Variants in CPA4 observed in about 807,000 individuals in gnomAD.
CPA4 encodes carboxypeptidase A3.
Under a neutral mutation model 54.7 loss-of-function variants are expected in CPA4, and 49 were observed. That is an observed-to-expected ratio of 0.90 (90% CI 0.71 to 1.14). CPA4 has a LOEUF of 1.14. Among genes scored for constraint, CPA4 ranks in the 50% most tolerant of loss-of-function variants. CPA4 has a pLI of 0.00. For missense variants in CPA4, 487 were observed against 525.1 expected (o/e 0.93, Z 0.71); for synonymous variants, 215 against 206.8 (o/e 1.04, Z -0.34).
chr7:130,306,373 A>G (rs183281670), intron 6 of CPA4: 1 of 220,034 alleles, frequency 4.5e-6, no homozygotes. Context: ...ACAGAGCAAG[A>G]CTCTGTCTTA....
chr7:130,312,160 C>G, intron 10 of CPA4, 38 bp downstream of exon 10: 1 of 1,464,326 alleles, frequency 6.8e-7, no homozygotes. Flanking sequence ...TTAGAAAGCA[C>G]TTTGAGAGGA....
chr7:130,317,864 C>T (rs997733978), intron 10 of CPA4, among the ~76,000 whole-genome samples: 10 of 152,176 alleles, frequency 6.6e-5, no homozygotes, highest in East Asian at 1.9e-4. Flanking sequence ...TTCAATTCTC[C>T]GCCCACTCTC....
intron 2 of CPA4, 88 bp downstream of exon 2, chr7:130,298,915 T>A: frequency 6.2e-6 from 5 of 808,940 alleles, no homozygotes; most frequent in Non-Finnish European, 1.0e-5. Flanking sequence ...TTTTTATTTC[T>A]GAGGAGTCTC....
intron 10 of CPA4, among the ~76,000 whole-genome samples, chr7:130,316,956 G>T (rs1299659566): frequency 6.6e-6 from 1 of 151,936 alleles, no homozygotes. Context: ...GTGGGATTTG[G>T]GGGGTAGCAT....
intron 1 of CPA4, among the ~76,000 whole-genome samples, chr7:130,293,997 T>C (rs1377692507): frequency 6.6e-6 from 1 of 152,178 alleles, no homozygotes; most frequent in Non-Finnish European, 1.5e-5. Context: ...AGGGATACCA[T>C]GGTGCCCTGT....
intron 1 of CPA4, among the ~76,000 whole-genome samples, chr7:130,298,101 A>C (rs1212126636): frequency 1.3e-5 from 2 of 152,126 alleles, no homozygotes; most frequent in African/African-American, 4.8e-5. Flanking sequence ...GTTTCCACCC[A>C]AACGAGCCTC....
At chr7:130,303,810 T>C (rs1209371831) in intron 4 of CPA4, among the ~76,000 whole-genome samples, 2 of 145,104 alleles carry the variant, frequency 1.4e-5, no homozygotes, top group Non-Finnish European at 3.0e-5. Flanking sequence ...TTTTTTTTTG[T>C]TTCATTATTT....
intron 10 of CPA4, among the ~76,000 whole-genome samples, chr7:130,318,778 T>C (rs2117166250): frequency 6.6e-6 from 1 of 151,922 alleles, no homozygotes; most frequent in South Asian, 2.1e-4. Context: ...CCTTGTTTTT[T>C]CAAAAAAAAA....
Position 130,303,794 on chromosome 7 carries a change from A to AT in CPA4, c.385-670dup, listed in dbSNP as rs10560933. ...CAGATACACGCCACCGCAGCTGCCT[A>AT]TTTTTTTTTTTTTTGTTTCATTATT... On this transcript the variant is annotated intron_variant, in intron 4 of 10. Transcript: ENST00000222482. Among the ~76,000 whole-genome samples, 1,276 of 144,614 alleles carry AT rather than the reference A, an allele frequency of 8.8e-3. 9 individuals are homozygous for AT. The highest frequency in any genetic ancestry group is 0.02 in the African/African-American group (786 of 39,276). 94.9% of individuals were successfully genotyped at this position (144,614 alleles called of 152,430 possible). A position where few individuals can be genotyped will look rare whatever the true frequency, so the allele number is the denominator to read the frequency against.
intron 10 of CPA4, among the ~76,000 whole-genome samples, chr7:130,314,201 G>A (rs1451777988): frequency 2.0e-5 from 3 of 152,156 alleles, no homozygotes; most frequent in Admixed American, 6.5e-5. Context: ...TAATGAGAGC[G>A]GTTGCACTGG....
chr7:130,305,988 C>A, intron 6 of CPA4, 68 bp downstream of exon 6: 1 of 1,344,850 alleles, frequency 7.4e-7, no homozygotes. Context: ...TGCCATGTGG[C>A]TGGGCCTGGG....
intron 1 of CPA4, among the ~76,000 whole-genome samples, chr7:130,297,480 G>T (rs969171581): frequency 4.6e-5 from 7 of 152,164 alleles, no homozygotes; most frequent in Non-Finnish European, 8.8e-5. Flanking sequence ...GACCAGGTGG[G>T]TTGGGAGAAA....
chr7:130,301,794 C>T (rs1371581651), intron 4 of CPA4, among the ~76,000 whole-genome samples: 2 of 152,050 alleles, frequency 1.3e-5, no homozygotes, highest in African/African-American at 2.4e-5. Context: ...ATACTTCCAA[C>T]GGCACTGCCC....
intron 3 of CPA4, among the ~76,000 whole-genome samples, chr7:130,300,444 T>C (rs752869176): frequency 1.3e-5 from 2 of 151,158 alleles, no homozygotes; most frequent in South Asian, 4.2e-4. Flanking sequence ...CAAGCGATTC[T>C]CCTGCCTCAG....
chr7:130,321,934 T>A (rs1794111645), intron 10 of CPA4, among the ~76,000 whole-genome samples: 1 of 152,200 alleles, frequency 6.6e-6, no homozygotes, highest in South Asian at 2.1e-4. Context: ...AGTTCCTCAC[T>A]ATCATGAATC....
At chr7:130,293,515 G>T in intron 1 of CPA4, 1 of 413,136 alleles carries the variant, frequency 2.4e-6, no homozygotes, top group Non-Finnish European at 4.4e-6. Flanking sequence ...TTACTTATAA[G>T]GTCAGTTCCA....
intron 1 of CPA4, among the ~76,000 whole-genome samples, chr7:130,294,021 TATA>T (rs1261088813): frequency 6.6e-6 from 1 of 152,170 alleles, no homozygotes; most frequent in African/African-American, 2.4e-5. Context: ...AAGACTGAAT[TATA>T]ATAACTCATT....
In CPA4 at chr7:130,308,292, T is replaced by C; in HGVS notation, c.703-15T>C. On this transcript the variant is annotated splice_polypyrimidine_tract_variant and intron_variant, in intron 7 of 10. Coordinates refer to ENST00000222482, the MANE Select transcript of CPA4 (RefSeq NM_016352.4). ...TGCCTCTGGTTGTTTGTCCCCTCCT[T>C]GGTGGCTTTTTCAGAACCGATTATG... 6.2e-7 allele frequency: 1 copy of C among 1,612,496 alleles called. No individual in the cohort carries two copies.
rs1167084421 is a variant in CPA4 at position 130,306,900 on chromosome 7, G to T, written c.702+3G>T. 7.4e-6 allele frequency: 11 copies of T among 1,489,566 alleles called. No individual in the cohort carries two copies. Among genetic ancestry groups the T allele is most frequent in the Non-Finnish European group, 1.0e-5 (11 of 1,066,590 alleles). 92.3% of individuals were successfully genotyped at this position (1,489,566 alleles called of 1,614,324 possible). The stretch of plus-strand genomic sequence containing the variant: ...GATATGTGTATACTCAAACTCAAGT[G>T]AGTATTCCCAAATGGGCTGGGCTTG... On this transcript the variant is annotated splice_donor_region_variant and intron_variant, in intron 7 of 10. Transcript: ENST00000222482.
Sources: allele counts gnomAD v4.1 joint callset (sites outside exome capture counted in the v4.1 genomes callset), GRCh38; gene constraint gnomAD v4.1.1; transcripts MANE v1.5; gene names NCBI Gene and HGNC (gene_info 2026-07-23, HGNC 2026-07-21).